The following AGMO variants were observed in gnomAD, a reference collection of about 807,000 sequenced individuals.
AGMO encodes alkylglycerol monooxygenase.
In AGMO, 75 loss-of-function variants were observed where a neutral mutation model predicts 60.2. The observed-to-expected ratio is 1.25, with a 90% CI of 1.03 to 1.51. The LOEUF (loss-of-function observed/expected upper bound fraction) is 1.51. AGMO is among the 40% of genes most tolerant of loss of function. The probability of loss-of-function intolerance (pLI) is 0.00; values close to 1 mark genes in which losing one functional copy is unlikely to be tolerated. For synonymous variants in AGMO, 261 were observed against 177.1 expected, an observed-to-expected ratio of 1.47 and a Z score of -3.76; for missense variants, 763 against 525.5, an observed-to-expected ratio of 1.45 and a Z score of -4.42.
At chr7:15,214,379 C>T (rs1019946618) in intron 12 of AGMO, among the ~76,000 whole-genome samples, 1 of 152,012 alleles carries the variant, frequency 6.6e-6, no homozygotes, top group Non-Finnish European at 1.5e-5. Flanking sequence ...TGGTTAGCTT[C>T]TGAAGTTAGC....
intron 12 of AGMO, among the ~76,000 whole-genome samples, chr7:15,249,240 G>A (rs1782857873): frequency 3.3e-5 from 5 of 152,184 alleles, no homozygotes; most frequent in African/African-American, 1.2e-4. Flanking sequence ...TTTAAGGATA[G>A]AATATTAGTG....
intron 3 of AGMO, among the ~76,000 whole-genome samples, chr7:15,447,844 G>A (rs537361936): frequency 5.0e-4 from 76 of 152,160 alleles, no homozygotes; most frequent in Middle Eastern, 3.4e-3. Flanking sequence ...GAGCCACCGG[G>A]CCCAGCCTGC....
chr7:15,327,092 C>G (rs538813919), intron 12 of AGMO, among the ~76,000 whole-genome samples: 4 of 152,250 alleles, frequency 2.6e-5, no homozygotes, highest in East Asian at 3.9e-4. Flanking sequence ...TGTTACGAAG[C>G]CTTTGTGCAA....
chr7:15,292,252 C>T (rs1167061296), intron 12 of AGMO, among the ~76,000 whole-genome samples: 1 of 152,122 alleles, frequency 6.6e-6, no homozygotes, highest in Non-Finnish European at 1.5e-5. Context: ...AGTATAATGG[C>T]CCAACAGTAC....
At chr7:15,501,181 A>T (rs1483074936) in intron 3 of AGMO, among the ~76,000 whole-genome samples, 1 of 151,994 alleles carries the variant, frequency 6.6e-6, no homozygotes. Flanking sequence ...GGAGCGTTCC[A>T]TAAATGTCTA....
intron 4 of AGMO, among the ~76,000 whole-genome samples, chr7:15,420,995 T>C (rs193222226): frequency 6.6e-6 from 1 of 152,314 alleles, no homozygotes; most frequent in Non-Finnish European, 1.5e-5. Flanking sequence ...CTGAAGGCGA[T>C]CTAAGGCTAA....
chr7:15,501,195 G>A (rs1006818008), intron 3 of AGMO, among the ~76,000 whole-genome samples: 50 of 151,860 alleles, frequency 3.3e-4, no homozygotes, highest in African/African-American at 1.1e-3. Context: ...ATGTCTATTA[G>A]GTCCATTTGG....
At chr7:15,509,244 G>C (rs1314641649) in intron 3 of AGMO, among the ~76,000 whole-genome samples, 1 of 151,932 alleles carries the variant, frequency 6.6e-6, no homozygotes, top group Non-Finnish European at 1.5e-5. Context: ...CAATAGAACA[G>C]AACACAGACC....
chr7:15,216,828 GAAA>G (rs1235924434), intron 12 of AGMO, among the ~76,000 whole-genome samples: 1 of 124,286 alleles, frequency 8.0e-6, no homozygotes, highest in Non-Finnish European at 1.7e-5. Flanking sequence ...CAAAGTGAAA[GAAA>G]AAGTGTGTGT....
At chr7:15,309,674 T>C (rs185822304) in intron 12 of AGMO, among the ~76,000 whole-genome samples, 21 of 151,708 alleles carry the variant, frequency 1.4e-4, no homozygotes, top group Non-Finnish European at 2.7e-4. Flanking sequence ...GATTTGTGTA[T>C]ATATCCTCTC....
At chr7:15,394,363 ACT>A (rs976229566) in intron 5 of AGMO, among the ~76,000 whole-genome samples, 184 bp from the exon 6 acceptor site, 1 of 152,102 alleles carries the variant, frequency 6.6e-6, no homozygotes, top group Admixed American at 6.5e-5. Flanking sequence ...TAATCTCAAA[ACT>A]CTATTCTGAG....
chr7:15,474,862 C>T (rs1782551691), intron 3 of AGMO, among the ~76,000 whole-genome samples: 1 of 151,672 alleles, frequency 6.6e-6, no homozygotes, highest in Admixed American at 6.6e-5. Context: ...AAAAAAACAA[C>T]CCCATCAACA....
At chr7:15,348,844 T>C (rs1782128320) in intron 12 of AGMO, among the ~76,000 whole-genome samples, 1 of 152,028 alleles carries the variant, frequency 6.6e-6, no homozygotes. Context: ...TCAGCAATCA[T>C]CTGAAGAATA....
At chr7:15,395,235 G>C (rs894972509) in intron 5 of AGMO, among the ~76,000 whole-genome samples, 1 of 152,134 alleles carries the variant, frequency 6.6e-6, no homozygotes, top group Non-Finnish European at 1.5e-5. Flanking sequence ...GAGGAATAAA[G>C]AAATGAGTTA....
intron 12 of AGMO, among the ~76,000 whole-genome samples, chr7:15,284,197 C>G (rs57907491): frequency 1.3e-3 from 190 of 151,860 alleles, no homozygotes; most frequent in African/African-American, 4.0e-3. Context: ...CAAACCAAAC[C>G]CAAAGCTAGC....
chr7:15,117,713 T>A, the AGMO span, among the ~76,000 whole-genome samples: 1 of 152,038 alleles, frequency 6.6e-6, no homozygotes, highest in Non-Finnish European at 1.5e-5. Flanking sequence ...TAGATAGAAA[T>A]GTCCACATGG....
At chr7:15,401,415 T>C (rs893923047) in intron 5 of AGMO, among the ~76,000 whole-genome samples, 1 of 152,170 alleles carries the variant, frequency 6.6e-6, no homozygotes, top group South Asian at 2.1e-4. Flanking sequence ...ACAAGACTTA[T>C]CTTCATCAAA....
chr7:15,371,935 T>C (rs1027672227), intron 10 of AGMO, among the ~76,000 whole-genome samples: 1 of 152,020 alleles, frequency 6.6e-6, no homozygotes, highest in African/African-American at 2.4e-5. Flanking sequence ...TTCTAAATAT[T>C]AAATATTTAA....
At chr7:15,215,829 G>A (rs1205928521) in intron 12 of AGMO, among the ~76,000 whole-genome samples, 1 of 152,004 alleles carries the variant, frequency 6.6e-6, no homozygotes, top group Non-Finnish European at 1.5e-5. Flanking sequence ...TAATTGAAAT[G>A]CAGTATTATG....
Sources: allele counts gnomAD v4.1 joint callset (sites outside exome capture counted in the v4.1 genomes callset), GRCh38; gene constraint gnomAD v4.1.1; transcripts MANE v1.5; gene names NCBI Gene and HGNC (gene_info 2026-07-23, HGNC 2026-07-21).